Variants in KCNQ3 observed in about 807,000 individuals in gnomAD.
KCNQ3 encodes the protein potassium voltage-gated channel subfamily Q member 3.
Under a neutral mutation model 92.5 loss-of-function variants are expected in KCNQ3, and 30 were observed. The ratio of observed to expected loss-of-function variants is 0.32; its 90% confidence interval spans 0.24 to 0.44. KCNQ3 has a LOEUF of 0.44. KCNQ3 is among the 20% of genes least tolerant of loss of function. The probability of loss-of-function intolerance (pLI) is 1.00; values close to 1 mark genes in which losing one functional copy is unlikely to be tolerated. For missense variants in KCNQ3, 913 were observed against 1,140.3 expected (o/e 0.80, Z 2.87); for synonymous variants, 450 against 468.8 (o/e 0.96, Z 0.52).
At chr8:132,411,265 T>G (rs1008416079) in intron 1 of KCNQ3, among the ~76,000 whole-genome samples, 2 of 152,162 alleles carry the variant, frequency 1.3e-5, no homozygotes, top group African/African-American at 4.8e-5. Flanking sequence ...TTGCCTAAGA[T>G]CTAGCAAGAA....
intron 1 of KCNQ3, among the ~76,000 whole-genome samples, chr8:132,227,290 G>C (rs1814461236): frequency 1.3e-5 from 2 of 151,972 alleles, no homozygotes; most frequent in Non-Finnish European, 2.9e-5. Context: ...TCGATCTCCT[G>C]ATCTCATGAT....
At chr8:132,427,485 GT>G (rs1009057392) in intron 1 of KCNQ3, among the ~76,000 whole-genome samples, 2 of 151,976 alleles carry the variant, frequency 1.3e-5, no homozygotes, top group African/African-American at 4.8e-5. Flanking sequence ...GGCTAATTGT[GT>G]TTTTTTTCTG....
At chr8:132,136,549 C>T (rs1825099786) in intron 12 of KCNQ3, among the ~76,000 whole-genome samples, 1 of 152,140 alleles carries the variant, frequency 6.6e-6, no homozygotes, top group African/African-American at 2.4e-5. Flanking sequence ...TTTCTCCAGG[C>T]CCTGATATGG....
intron 1 of KCNQ3, among the ~76,000 whole-genome samples, chr8:132,416,847 G>C (rs1198253702): frequency 6.6e-6 from 1 of 152,178 alleles, no homozygotes; most frequent in African/African-American, 2.4e-5. Context: ...AGTGCAGTAG[G>C]CTTTGTGAAG....
chr8:132,186,307 A>G, intron 1 of KCNQ3, 126 bp from the exon 2 acceptor site: 1 of 706,122 alleles, frequency 1.4e-6, no homozygotes. Flanking sequence ...TGTGCTTTAT[A>G]TGCTATCCCA....
At chr8:132,396,982 AAGAGAGAGAG>A (rs762265502) in intron 1 of KCNQ3, among the ~76,000 whole-genome samples, 5 of 148,276 alleles carry the variant, frequency 3.4e-5, no homozygotes, top group African/African-American at 4.9e-5. Flanking sequence ...GTGTGGGAGA[AAGAGAGAGAG>A]AGAGAGAGAT....
intron 1 of KCNQ3, among the ~76,000 whole-genome samples, chr8:132,323,642 C>T (rs1174942453): frequency 6.6e-6 from 1 of 152,112 alleles, no homozygotes; most frequent in African/African-American, 2.4e-5. Context: ...TCTGACTTCC[C>T]ATTTCCATTA....
At chr8:132,290,910 C>T (rs1305431854) in intron 1 of KCNQ3, among the ~76,000 whole-genome samples, 4 of 152,120 alleles carry the variant, frequency 2.6e-5, no homozygotes, top group African/African-American at 9.7e-5. Flanking sequence ...CTGGAAGGGA[C>T]AGGCACCCTC....
chr8:132,267,924 C>G (rs779549460), intron 1 of KCNQ3, among the ~76,000 whole-genome samples: 2 of 152,220 alleles, frequency 1.3e-5, no homozygotes, highest in African/African-American at 2.4e-5. Context: ...GATGAACCTA[C>G]AGTGACACAT....
chr8:132,462,623 G>A (rs146700650), intron 1 of KCNQ3, among the ~76,000 whole-genome samples: 1 of 152,202 alleles, frequency 6.6e-6, no homozygotes, highest in Non-Finnish European at 1.5e-5. Context: ...CACAGCTACT[G>A]CATTCAGAAT....
At chr8:132,272,722 C>T (rs1816189032) in intron 1 of KCNQ3, among the ~76,000 whole-genome samples, 1 of 152,172 alleles carries the variant, frequency 6.6e-6, no homozygotes, top group Non-Finnish European at 1.5e-5. Flanking sequence ...AGCACAAAAA[C>T]ACCCGTCCCC....
intron 1 of KCNQ3, among the ~76,000 whole-genome samples, chr8:132,221,502 A>G (rs1814236622): frequency 6.6e-6 from 1 of 152,078 alleles, no homozygotes; most frequent in Admixed American, 6.6e-5. Flanking sequence ...TTTAATGATC[A>G]CCATTCTAAC....
chr8:132,243,329 C>A (rs1815054515), intron 1 of KCNQ3, among the ~76,000 whole-genome samples: 1 of 152,108 alleles, frequency 6.6e-6, no homozygotes, highest in Admixed American at 6.5e-5. Flanking sequence ...CTGACACTAT[C>A]AAAAAGGGAA....
At chr8:132,213,064 T>C (rs1045731667) in intron 1 of KCNQ3, among the ~76,000 whole-genome samples, 6 of 152,210 alleles carry the variant, frequency 3.9e-5, no homozygotes, top group African/African-American at 1.4e-4. Flanking sequence ...ACCAAGACTT[T>C]TTTTTTTAAA....
intron 1 of KCNQ3, among the ~76,000 whole-genome samples, chr8:132,358,880 T>G (rs1819087383): frequency 6.6e-6 from 1 of 152,162 alleles, no homozygotes. Flanking sequence ...CTGGCCTACA[T>G]AAGGGTTCAG....
chr8:132,474,613 A>G (rs1822367313), intron 1 of KCNQ3, among the ~76,000 whole-genome samples: 1 of 152,142 alleles, frequency 6.6e-6, no homozygotes, highest in African/African-American at 2.4e-5. Flanking sequence ...ATTGCAGCAA[A>G]GTCTTGATTA....
At chr8:132,462,570 A>G (rs926635248) in intron 1 of KCNQ3, among the ~76,000 whole-genome samples, 4 of 152,252 alleles carry the variant, frequency 2.6e-5, no homozygotes, top group African/African-American at 9.6e-5. Context: ...GAAAATCAAC[A>G]GTCAGTGAGT....
At chr8:132,338,902 AC>A (rs1286706409) in intron 1 of KCNQ3, among the ~76,000 whole-genome samples, 1 of 152,186 alleles carries the variant, frequency 6.6e-6, no homozygotes, top group African/African-American at 2.4e-5. Context: ...GGCTTGTACA[AC>A]GTGGGTCAGG....
intron 1 of KCNQ3, among the ~76,000 whole-genome samples, chr8:132,383,832 CA>C (rs1266454283): frequency 1.3e-5 from 2 of 152,160 alleles, no homozygotes; most frequent in Non-Finnish European, 2.9e-5. Context: ...AGCAAGGAAC[CA>C]AACTGTGCCT....
Sources: allele counts gnomAD v4.1 joint callset (sites outside exome capture counted in the v4.1 genomes callset), GRCh38; gene constraint gnomAD v4.1.1; transcripts MANE v1.5; gene names NCBI Gene and HGNC (gene_info 2026-07-23, HGNC 2026-07-21).